The following DYM variants were observed in gnomAD, a reference collection of about 807,000 sequenced individuals.
The protein encoded by DYM is dymeclin.
A neutral mutation model predicts 93.1 loss-of-function variants in DYM; 78 were observed. The observed-to-expected ratio is 0.84, with a 90% CI of 0.70 to 1.01. The LOEUF (loss-of-function observed/expected upper bound fraction) is 1.01. Ranked by LOEUF, DYM falls within the 50% of genes least tolerant of loss-of-function variation. The probability of loss-of-function intolerance (pLI) is 0.00; values close to 1 mark genes in which losing one functional copy is unlikely to be tolerated. For missense variants in DYM, 789 were observed against 845.0 expected (o/e 0.93, Z 0.82); for synonymous variants, 321 against 319.7 (o/e 1.00, Z -0.04).
intron 15 of DYM, among the ~76,000 whole-genome samples, chr18:49,145,952 A>C (rs1327565159): frequency 6.6e-6 from 1 of 151,942 alleles, no homozygotes; most frequent in Non-Finnish European, 1.5e-5. Flanking sequence ...AGTTCCCTTT[A>C]CATGAATAAC....
At chr18:49,371,853 T>C (rs1366866120) in intron 5 of DYM, among the ~76,000 whole-genome samples, 2 of 152,186 alleles carry the variant, frequency 1.3e-5, no homozygotes, top group African/African-American at 4.8e-5. Flanking sequence ...TATGGGAAAA[T>C]GTTCAAATAC....
chr18:49,170,296 T>C (rs191473022), intron 14 of DYM, among the ~76,000 whole-genome samples: 1 of 152,230 alleles, frequency 6.6e-6, no homozygotes, highest in African/African-American at 2.4e-5. Flanking sequence ...TCTGTGCTCT[T>C]AACAAATCTT....
intron 6 of DYM, among the ~76,000 whole-genome samples, chr18:49,349,664 A>C (rs2064940794): frequency 6.6e-6 from 1 of 152,224 alleles, no homozygotes; most frequent in Non-Finnish European, 1.5e-5. Flanking sequence ...TGCACATAAG[A>C]ATCACAATAT....
chr18:49,426,452 G>A (rs192229627), intron 2 of DYM, among the ~76,000 whole-genome samples: 5 of 150,648 alleles, frequency 3.3e-5, no homozygotes, highest in East Asian at 2.0e-4. Context: ...TGTAAATGAC[G>A]AGTTAATGGG....
Position 49,459,466 on chromosome 18 carries a change from T to C in DYM, c.-54+932A>G, listed in dbSNP as rs571721728. On this transcript the variant is annotated intron_variant, in intron 1 of 17. Transcript: ENST00000675505. ...ATTCTCTTCCCTTCCACCTCGTTCTTCTCTTGAGCCCTCAACTCATCAGCC... is the reference window on the plus strand; with the variant it reads ...ATTCTCTTCCCTTCCACCTCGTTCTCCTCTTGAGCCCTCAACTCATCAGCC... Among the ~76,000 whole-genome samples the C allele has an allele frequency of 3.9e-5, 6 of 152,182 alleles. No homozygotes were observed. In the South Asian group the frequency reaches 1.2e-3, roughly 32 times the overall value.
At chr18:49,430,515 A>C (rs2074713365) in intron 1 of DYM, 68 bp from the exon 2 acceptor site, 1 of 1,144,456 alleles carries the variant, frequency 8.7e-7, no homozygotes, top group African/African-American at 1.6e-5. Context: ...ACCTATAAAA[A>C]AACTATAAAC....
intron 8 of DYM, among the ~76,000 whole-genome samples, chr18:49,288,399 C>T (rs1030803492): frequency 6.6e-6 from 1 of 152,112 alleles, no homozygotes; most frequent in Non-Finnish European, 1.5e-5. Context: ...TTTAGGCTGA[C>T]AACCATAGAA....
chr18:49,435,511 G>T (rs1021030925), intron 1 of DYM, among the ~76,000 whole-genome samples: 18 of 151,992 alleles, frequency 1.2e-4, no homozygotes. Flanking sequence ...CACAAGGCCG[G>T]GCACAGTGGC....
chr18:49,063,486 C>A (rs2076151846), intron 17 of DYM, among the ~76,000 whole-genome samples: 1 of 151,746 alleles, frequency 6.6e-6, no homozygotes, highest in Non-Finnish European at 1.5e-5. Flanking sequence ...GTTGGGGGGA[C>A]CATGTTCTCT....
At chr18:49,384,353 C>T (rs2068363596) in intron 3 of DYM, among the ~76,000 whole-genome samples, 1 of 140,592 alleles carries the variant, frequency 7.1e-6, no homozygotes, top group Non-Finnish European at 1.5e-5. Context: ...AGGCTGGGTG[C>T]AGTGAGTCAC....
intron 12 of DYM, among the ~76,000 whole-genome samples, 179 bp from the exon 13 acceptor site, chr18:49,257,283 C>T (rs1188006347): frequency 6.6e-6 from 1 of 152,062 alleles, no homozygotes; most frequent in Non-Finnish European, 1.5e-5. Context: ...AAAGTTTTTT[C>T]CACAACACAA....
chr18:49,191,189 T>C lies in DYM; in HGVS notation c.1625+18362A>G, dbSNP rs536732991. Among the ~76,000 whole-genome samples the C allele has an allele frequency of 2.6e-5, 4 of 152,304 alleles. No homozygotes were observed. In the South Asian group the frequency reaches 8.3e-4, roughly 32 times the overall value. On this transcript the variant is annotated intron_variant, in intron 14 of 17. Transcript: ENST00000675505. ...CCCAGAAAAGCTTCTGCTTGTTTAC[T>C]TAAAGTTAGCAGAATAATAAATACA... is the stretch of plus-strand genomic sequence containing the variant.
intron 11 of DYM, 122 bp downstream of exon 11, chr18:49,272,056 C>T (rs548172863): frequency 9.9e-5 from 55 of 554,754 alleles, no homozygotes; most frequent in Admixed American, 2.3e-4. Flanking sequence ...AAAGACATAA[C>T]ATTTCTAATA....
chr18:49,271,211 G>A lies in DYM; in HGVS notation c.1251+967C>T, dbSNP rs578045433. Among the ~76,000 whole-genome samples the A allele has an allele frequency of 1.1e-4, 16 of 152,250 alleles. No homozygotes were observed. The East Asian group carries it at 3.1e-3, about 29-fold the overall frequency. ...TTGAAGTATTGGGGGTAGAATCAGT[G>A]TATTAGTACACAAATAAAAAACAGG... On this transcript the variant is annotated intron_variant, in intron 11 of 17. Transcript: ENST00000675505.
intron 5 of DYM, among the ~76,000 whole-genome samples, chr18:49,369,839 T>C (rs901990413): frequency 8.5e-5 from 13 of 152,168 alleles, no homozygotes; most frequent in Admixed American, 5.9e-4. Flanking sequence ...CCTTTTCTAC[T>C]CTCCACAAAG....
intron 17 of DYM, among the ~76,000 whole-genome samples, chr18:49,073,223 C>T (rs954875048): frequency 6.6e-6 from 1 of 152,134 alleles, no homozygotes; most frequent in Non-Finnish European, 1.5e-5. Flanking sequence ...AAATGAGTAT[C>T]TTTATGTTTA....
chr18:49,291,295 G>A (rs1352148105), intron 8 of DYM, among the ~76,000 whole-genome samples: 1 of 152,078 alleles, frequency 6.6e-6, no homozygotes, highest in African/African-American at 2.4e-5. Flanking sequence ...ACTTTACATT[G>A]TAAACAGTTC....
intron 2 of DYM, among the ~76,000 whole-genome samples, chr18:49,397,659 A>G (rs1009504590): frequency 2.0e-5 from 3 of 152,204 alleles, no homozygotes; most frequent in African/African-American, 4.8e-5. Flanking sequence ...AAGATTTTTG[A>G]CAAGAAAATT....
intron 13 of DYM, among the ~76,000 whole-genome samples, chr18:49,233,371 GA>G (rs941260297): frequency 2.1e-5 from 3 of 143,556 alleles, no homozygotes; most frequent in South Asian, 2.2e-4. Flanking sequence ...AAAAAAAAAA[GA>G]AAAAAAACAC....
Sources: allele counts gnomAD v4.1 joint callset (sites outside exome capture counted in the v4.1 genomes callset), GRCh38; gene constraint gnomAD v4.1.1; transcripts MANE v1.5; gene names NCBI Gene and HGNC (gene_info 2026-07-23, HGNC 2026-07-21).